The following SPIDR variants were observed in gnomAD, a reference collection of about 807,000 sequenced individuals.
The protein encoded by SPIDR is scaffold protein involved in DNA repair.
In SPIDR, 93 loss-of-function variants were observed where a neutral mutation model predicts 104.6. The ratio of observed to expected loss-of-function variants is 0.89; its 90% confidence interval spans 0.75 to 1.06. The LOEUF is 1.06. Ranked by LOEUF, SPIDR falls within the 50% of genes least tolerant of loss-of-function variation. SPIDR has a pLI of 0.00. For synonymous variants in SPIDR, 431 were observed against 416.9 expected, an observed-to-expected ratio of 1.03 and a Z score of -0.41; for missense variants, 1,154 against 1,111.2, an observed-to-expected ratio of 1.04 and a Z score of -0.55.
At chr8:47,614,382 T>C (rs898662195) in intron 10 of SPIDR, among the ~76,000 whole-genome samples, 3 of 152,082 alleles carry the variant, frequency 2.0e-5, no homozygotes, top group African/African-American at 7.2e-5. Flanking sequence ...CCACAATGCC[T>C]GGCTAATTTT....
chr8:47,403,298 A>G (rs1481955443), intron 6 of SPIDR, among the ~76,000 whole-genome samples: 3 of 152,216 alleles, frequency 2.0e-5, no homozygotes, highest in African/African-American at 7.2e-5. Context: ...CTGGCACAAG[A>G]CAGGGATGCC....
Position 47,719,976 on chromosome 8 carries a change from A to C in SPIDR, c.2341+6335A>C, listed in dbSNP as rs992998405. Among the ~76,000 whole-genome samples, 8 of 152,194 alleles carry C rather than the reference A, an allele frequency of 5.3e-5. No homozygotes were observed. The East Asian group carries it at 9.6e-4, about 18-fold the overall frequency. ...TTACCATTAGTGTATCATACAGAATAGTTTCACCACCCTAAAAATCCTGTG... is the reference window on the plus strand; with the variant it reads ...TTACCATTAGTGTATCATACAGAATCGTTTCACCACCCTAAAAATCCTGTG... On this transcript the variant is annotated intron_variant, in intron 16 of 19. Transcript: ENST00000297423.
intron 1 of SPIDR, among the ~76,000 whole-genome samples, chr8:47,269,165 C>CTTT (rs1160351168): frequency 8.9e-6 from 1 of 111,810 alleles, no homozygotes; most frequent in Non-Finnish European, 1.8e-5. Context: ...AGACCCTCTC[C>CTTT]TTTTTTTTTT....
chr8:47,579,909 CT>C (rs1481466132), intron 8 of SPIDR, among the ~76,000 whole-genome samples: 1 of 152,226 alleles, frequency 6.6e-6, no homozygotes, highest in African/African-American at 2.4e-5. Flanking sequence ...GGGAGATGGT[CT>C]GGTATCTTGG....
intron 11 of SPIDR, among the ~76,000 whole-genome samples, chr8:47,693,003 A>ACC (rs2078886860): frequency 6.6e-6 from 1 of 152,204 alleles, no homozygotes; most frequent in South Asian, 2.1e-4. Context: ...TTACCATCCC[A>ACC]CCAGCCTAAT....
intron 7 of SPIDR, among the ~76,000 whole-genome samples, chr8:47,429,650 G>A (rs1184189905): frequency 6.6e-6 from 1 of 152,162 alleles, no homozygotes; most frequent in Non-Finnish European, 1.5e-5. Flanking sequence ...TCATCAGGCA[G>A]TGTTGGTTCT....
chr8:47,275,477 T>C (rs915044301), intron 1 of SPIDR, among the ~76,000 whole-genome samples: 112 of 152,278 alleles, frequency 7.4e-4, no homozygotes, highest in African/African-American at 2.6e-3. Flanking sequence ...GAATAATATT[T>C]TCCATTCTGA....
chr8:47,452,970 C>T (rs1158942153), intron 8 of SPIDR, among the ~76,000 whole-genome samples: 4 of 152,148 alleles, frequency 2.6e-5, no homozygotes, highest in Non-Finnish European at 4.4e-5. Flanking sequence ...GCCCCATCAT[C>T]GCAGCCCAAG....
At chr8:47,298,955 A>G (rs1305582590) in intron 5 of SPIDR, among the ~76,000 whole-genome samples, 1 of 152,158 alleles carries the variant, frequency 6.6e-6, no homozygotes, top group Admixed American at 6.5e-5. Flanking sequence ...TTGGTTCCAT[A>G]TGAACTTTAA....
intron 8 of SPIDR, among the ~76,000 whole-genome samples, chr8:47,577,069 T>C (rs191348195): frequency 3.5e-4 from 54 of 152,354 alleles, no homozygotes; most frequent in Non-Finnish European, 6.6e-4. Context: ...TTAGGAGCCT[T>C]TGTCAAATCA....
intron 10 of SPIDR, among the ~76,000 whole-genome samples, chr8:47,647,690 G>C (rs2070793473): frequency 6.6e-6 from 1 of 151,912 alleles, no homozygotes. Flanking sequence ...GAGAGAGAGA[G>C]AGAGAGAAAT....
chr8:47,373,664 C>CA (rs2058324202), intron 5 of SPIDR, among the ~76,000 whole-genome samples: 2 of 152,020 alleles, frequency 1.3e-5, no homozygotes, highest in African/African-American at 4.8e-5. Context: ...AGTCATCCAT[C>CA]GTCTTTGCAA....
At chr8:47,453,552 A>T (rs970661156) in intron 8 of SPIDR, among the ~76,000 whole-genome samples, 2 of 152,218 alleles carry the variant, frequency 1.3e-5, no homozygotes, top group African/African-American at 4.8e-5. Flanking sequence ...GAGCCCTCAG[A>T]AATAATACCA....
intron 16 of SPIDR, among the ~76,000 whole-genome samples, chr8:47,725,489 T>TCAAGCGATTCTCCTGCCTC (rs1482545724): frequency 6.2e-4 from 94 of 152,338 alleles, no homozygotes; most frequent in African/African-American, 2.0e-3. Flanking sequence ...CCTCCTGGGT[T>TCAAGCGATTCTCCTGCCTC]CAAGCGATTC....
At chr8:47,692,209 G>C (rs2154479784) in intron 11 of SPIDR, among the ~76,000 whole-genome samples, 1 of 152,258 alleles carries the variant, frequency 6.6e-6, no homozygotes, top group African/African-American at 2.4e-5. Context: ...CCTTTTTAAA[G>C]TGTACGAATC....
chr8:47,546,948 C>T (rs2089503469), intron 8 of SPIDR: 1 of 486,636 alleles, frequency 2.1e-6, no homozygotes, highest in Non-Finnish European at 4.0e-6. Flanking sequence ...CAAAGCTGTT[C>T]CATTGGCATC....
intron 10 of SPIDR, among the ~76,000 whole-genome samples, chr8:47,611,898 A>G (rs2063658931): frequency 6.6e-6 from 1 of 152,214 alleles, no homozygotes; most frequent in African/African-American, 2.4e-5. Flanking sequence ...ATTAAACAAA[A>G]AAGGAGAACT....
chr8:47,344,252 A>T (rs1554616025), intron 5 of SPIDR, among the ~76,000 whole-genome samples: 2 of 151,888 alleles, frequency 1.3e-5, no homozygotes. Flanking sequence ...GTTTGTTCAG[A>T]ATGATGGTTT....
At chr8:47,730,629 G>A (rs771807242) in intron 19 of SPIDR, among the ~76,000 whole-genome samples, 1 of 152,168 alleles carries the variant, frequency 6.6e-6, no homozygotes, top group Non-Finnish European at 1.5e-5. Flanking sequence ...CATCCAGGCT[G>A]GAGTGCAGTG....
Sources: gnomAD v4.1 joint callset for allele counts (sites outside exome capture counted in the v4.1 genomes callset) on GRCh38, gnomAD v4.1.1 for gene constraint, MANE v1.5 for transcripts, NCBI Gene and HGNC (gene_info 2026-07-23, HGNC 2026-07-21) for gene names.